The following POLR3A variants were observed in gnomAD, a reference collection of about 807,000 sequenced individuals.
POLR3A encodes DNA-directed RNA polymerase III subunit RPC1.
A neutral mutation model predicts 152.8 loss-of-function variants in POLR3A; 112 were observed. The ratio of observed to expected loss-of-function variants is 0.73; its 90% CI spans 0.63 to 0.86. POLR3A has a LOEUF of 0.86. Ranked by LOEUF, POLR3A falls within the 40% of genes least tolerant of loss-of-function variation. The pLI is 0.00. For missense variants in POLR3A, 1,385 were observed against 1,743.1 expected (o/e 0.79, Z 3.66); for synonymous variants, 615 against 652.1 (o/e 0.94, Z 0.87).
Position 78,001,275 on chromosome 10 carries a change from C to T in POLR3A, c.2360-181G>A, listed in dbSNP as rs1214809218. Among the ~76,000 whole-genome samples, 10 of 152,054 alleles carry T rather than the reference C, an allele frequency of 6.6e-5. No homozygotes were observed. In the South Asian group the frequency reaches 1.0e-3, roughly 16 times the overall value. The stretch of plus-strand genomic sequence containing the variant: ...GGAGCTGTCAGGAACCCAAGAAAGG[C>T]GGAACGACGGCGAGAGGAGCCAGGA... On this transcript the variant is annotated intron_variant, in intron 17 of 30. Coordinates refer to ENST00000372371, the MANE Select transcript of POLR3A (RefSeq NM_007055.4).
intron 10 of POLR3A, 74 bp downstream of exon 10, chr10:78,017,501 A>G: frequency 2.1e-6 from 3 of 1,413,322 alleles, no homozygotes; most frequent in Non-Finnish European, 3.0e-6. Context: ...TAATTTTAGA[A>G]GTCCACTGTT....
intron 29 of POLR3A, among the ~76,000 whole-genome samples, chr10:77,980,765 G>T (rs1002874727): frequency 6.6e-6 from 1 of 152,114 alleles, no homozygotes; most frequent in Non-Finnish European, 1.5e-5. Context: ...AGTTTCCTGC[G>T]ACTAAAGCAA....
At position 77,985,244 on chromosome 10, in the gene POLR3A, T is replaced by C. The variant is rs1468541698; in HGVS notation, c.3168A>G (p.Ala1056=). Residue 1056 remains alanine, a synonymous_variant, in exon 24 of 31, where the codon GCA becomes GCG. Transcript: ENST00000372371. ...GGGTGATGTTCATGGAGGCCACACC[T>C]GCAAAGTGGAAAGTCTTCAGGGTCA... is the stretch of plus-strand genomic sequence containing the variant. ...TQMTLKTFHF[A]GVASMNITLG... The C allele has an allele frequency of 6.2e-7, 1 of 1,614,070 alleles. No individual in the cohort carries two copies. The highest frequency in any genetic ancestry group is 1.3e-5 in the African/African-American group (1 of 75,046).
In POLR3A at chr10:78,002,069, T is replaced by C. The variant is rs527984494; in HGVS notation, c.2359+128A>G. The C allele has an allele frequency of 8.0e-6, 5 of 625,878 alleles. No individual in the cohort carries two copies. In the South Asian group the frequency reaches 1.0e-4, roughly 13 times the overall value. 38.8% of individuals were successfully genotyped at this position (625,878 alleles called of 1,614,324 possible). A position where few individuals can be genotyped will look rare whatever the true frequency, so the allele number is the denominator to read the frequency against. ...CAAAATGCAAATAATTAAGTCTCTC[T>C]CTCTGATTTAAAAAGATCCCTTAAA... On this transcript the variant is annotated intron_variant, in intron 17 of 30. Transcript: ENST00000372371.
At chr10:77,999,758 C>T (rs567364755) in intron 19 of POLR3A, among the ~76,000 whole-genome samples, 1 of 152,282 alleles carries the variant, frequency 6.6e-6, no homozygotes, top group Non-Finnish European at 1.5e-5. Context: ...CTTTGCTATG[C>T]GTGGCTCTGG....
chr10:78,004,521 C>T (rs1316110736), intron 16 of POLR3A, among the ~76,000 whole-genome samples, 195 bp downstream of exon 16: 2 of 152,158 alleles, frequency 1.3e-5, no homozygotes, highest in Non-Finnish European at 1.5e-5. Flanking sequence ...AGGACACACA[C>T]AGTGAGCCCA....
chr10:77,998,945 T>C (rs963291215), intron 19 of POLR3A, among the ~76,000 whole-genome samples: 4 of 152,152 alleles, frequency 2.6e-5, no homozygotes, highest in African/African-American at 9.7e-5. Flanking sequence ...ATGTGGCACA[T>C]ACACACCATG....
chr10:77,985,468 T>G, intron 23 of POLR3A, 128 bp from the exon 24 acceptor site: 1 of 769,490 alleles, frequency 1.3e-6, no homozygotes, highest in South Asian at 1.5e-5. Context: ...GGAAAGGGTA[T>G]GTCTGTGACA....
rs1325333981 is a variant in POLR3A, at chr10:78,000,976, C to G, written c.2478G>C (p.Lys826Asn). Residue 826 changes from lysine to asparagine, a missense_variant and splice_region_variant, in exon 18 of 31, where the codon AAG (lysine) becomes AAC (asparagine). By Grantham distance (94) the Lys-to-Asn change is moderately conservative (BLOSUM62 0). Transcript: ENST00000372371. ...RSLPHFEKHS[K>N]LPAAKGFVAN... The stretch of plus-strand genomic sequence containing the variant: ...TTCTACCTGATCTGCTACTGCTTAC[C>G]TTTGAGTGTTTTTCAAAATGAGGCA... The G allele has an allele frequency of 6.6e-7, 1 of 1,514,516 alleles. No individual in the cohort carries two copies. The highest frequency in any genetic ancestry group is 9.1e-7 in the Non-Finnish European group (1 of 1,093,266). 93.8% of individuals were successfully genotyped at this position (1,514,516 alleles called of 1,614,324 possible).
rs868859470 is a variant in POLR3A, at chr10:78,024,129, T to C, written c.645+420A>G. On this transcript the variant is annotated intron_variant, in intron 5 of 30. Coordinates refer to ENST00000372371, the MANE Select transcript of POLR3A (RefSeq NM_007055.4). ...CTGTAATCTTAGCACTTTGGGAGGCTGAGGCGACTGGATCACCTGTGGTCA... is the reference window on the plus strand; with the variant it reads ...CTGTAATCTTAGCACTTTGGGAGGCCGAGGCGACTGGATCACCTGTGGTCA... Among the ~76,000 whole-genome samples, 3 of 152,070 alleles carry C rather than the reference T, an allele frequency of 2.0e-5. No individual in the cohort carries two copies. The East Asian group carries it at 5.8e-4, about 29-fold the overall frequency.
In POLR3A at chr10:77,981,428, C is replaced by T; in HGVS notation, c.3891G>A (p.Lys1297=). 6.2e-7 allele frequency: 1 copy of T among 1,614,058 alleles called. No individual in the cohort carries two copies. Among genetic ancestry groups the T allele is most frequent in the Non-Finnish European group, 8.5e-7 (1 of 1,179,942 alleles). Residue 1297 remains lysine (K), a splice_region_variant and synonymous_variant, in exon 29 of 31, where the codon AAG becomes AAA. Coordinates refer to ENST00000372371, the MANE Select transcript of POLR3A (RefSeq NM_007055.4). ...VMLLSDLMTY[K]GEVLGITRFG... ...GCCCGGGGGCCTCCTGCCCACATAC[C>T]TTGTAGGTCATGAGGTCGGAGAGCA...
In POLR3A at chr10:77,982,292, C is replaced by A; in HGVS notation, c.3621G>T (p.Val1207=). 1 of 1,614,006 alleles carries A rather than the reference C, an allele frequency of 6.2e-7. No homozygotes were observed. Among genetic ancestry groups the A allele is most frequent in the East Asian group, 2.2e-5 (1 of 44,856 alleles). Residue 1207 remains valine, a synonymous_variant, in exon 28 of 31, where the codon GTG becomes GTT. Coordinates refer to ENST00000372371, the MANE Select transcript of POLR3A (RefSeq NM_007055.4). ...PKVVVQGIPE[V]SRAVIHIDEQ... is the part of the protein sequence containing the mutation. ...CGTCAATGTGGATGACAGCTCTGGACACCTCTGGAATGCCCTGCACCACCA... is the reference window on the plus strand; with the variant it reads ...CGTCAATGTGGATGACAGCTCTGGAAACCTCTGGAATGCCCTGCACCACCA...
rs910342185 is a variant in POLR3A at position 78,019,529 on chromosome 10, A to T, written c.1186-264T>A. ...CCTGGTGCTTGGTTTCCTCACTGGT[A>T]AAACGGGTAGGCTAGACTGATCTAT... On this transcript the variant is annotated intron_variant, in intron 8 of 30. Transcript: ENST00000372371. The T allele has an allele frequency of 1.9e-5, 10 of 524,780 alleles. 1 individual carries two copies. In the South Asian group the frequency reaches 2.1e-4, roughly 11 times the overall value. 32.5% of individuals were successfully genotyped at this position (524,780 alleles called of 1,614,324 possible).
chr10:77,984,085 T>G (rs1251806063), intron 25 of POLR3A, 73 bp from the exon 26 acceptor site: 1 of 1,305,866 alleles, frequency 7.7e-7, no homozygotes, highest in African/African-American at 1.5e-5. Context: ...TGCTTGCTTT[T>G]TTGAAGAGCT....
chr10:77,981,344 A>G, intron 29 of POLR3A, 84 bp downstream of exon 29: 4 of 1,314,168 alleles, frequency 3.0e-6, no homozygotes, highest in East Asian at 2.3e-5. Flanking sequence ...CGTATTCTAC[A>G]TGTCTTAGAA....
rs1275796786 is a variant in POLR3A at position 77,984,310 on chromosome 10, C to G, written c.3243-12G>C. 1 of 1,571,838 alleles carries G rather than the reference C, an allele frequency of 6.4e-7. No homozygotes were observed. The highest frequency in any genetic ancestry group is 1.7e-5 in the Admixed American group (1 of 59,972). ...TGATAATTGGAGTGCTGTTGAGAAGCAAAGGAAAAATGGCACTAGCACAAG... is the reference window on the plus strand; with the variant it reads ...TGATAATTGGAGTGCTGTTGAGAAGGAAAGGAAAAATGGCACTAGCACAAG... On this transcript the variant is annotated splice_polypyrimidine_tract_variant and intron_variant, in intron 24 of 30. Transcript: ENST00000372371.
At chr10:78,025,192 T>A in intron 3 of POLR3A, 50 bp from the exon 4 acceptor site, 1 of 1,599,086 alleles carries the variant, frequency 6.3e-7, no homozygotes, top group Non-Finnish European at 8.6e-7. Context: ...GAATGAAAAA[T>A]TATTTTCTTT....
At chr10:77,998,239 A>G (rs1317056741) in intron 19 of POLR3A, among the ~76,000 whole-genome samples, 2 of 151,476 alleles carry the variant, frequency 1.3e-5, no homozygotes, top group Non-Finnish European at 2.9e-5. Flanking sequence ...GGACATAGGC[A>G]TGGGCAAGGA....
intron 1 of POLR3A, 145 bp from the exon 2 acceptor site, chr10:78,026,374 C>T (rs1364358449): frequency 5.0e-6 from 4 of 805,112 alleles, no homozygotes; most frequent in Non-Finnish European, 8.2e-6. Flanking sequence ...TTAACCCTCT[C>T]TCATTTTTCC....
Sources: allele counts gnomAD v4.1 joint callset (sites outside exome capture counted in the v4.1 genomes callset), GRCh38; gene constraint gnomAD v4.1.1; transcripts MANE v1.5; gene names NCBI Gene and HGNC (gene_info 2026-07-23, HGNC 2026-07-21).